Variants in PHF19 observed in about 807,000 individuals in gnomAD.
PHF19 encodes the protein polycomb like 3.
A neutral mutation model predicts 79.8 loss-of-function variants in PHF19; 21 were observed. That is an observed-to-expected ratio of 0.26 (90% CI 0.19 to 0.38). The LOEUF is 0.38. PHF19 is among the 10% of genes least tolerant of loss of function. PHF19 has a pLI of 1.00. For missense variants in PHF19, 445 were observed against 744.2 expected (o/e 0.60, Z 4.68); for synonymous variants, 273 against 296.3 (o/e 0.92, Z 0.81).
At chr9:120,892,572 G>C (rs537974169) in intron 1 of PHF19, among the ~76,000 whole-genome samples, 1 of 152,294 alleles carries the variant, frequency 6.6e-6, no homozygotes, top group East Asian at 1.9e-4. Flanking sequence ...TCAAGTTTTA[G>C]CTGCTAGAAA....
chr9:120,886,672 A>T (rs142644692), intron 1 of PHF19, among the ~76,000 whole-genome samples: 1 of 152,352 alleles, frequency 6.6e-6, no homozygotes, highest in East Asian at 1.9e-4. Flanking sequence ...TGGTTCATCC[A>T]GCCTGTAGTC....
intron 1 of PHF19, among the ~76,000 whole-genome samples, chr9:120,887,502 A>C (rs767349036): frequency 3.9e-5 from 6 of 152,194 alleles, no homozygotes; most frequent in Non-Finnish European, 5.9e-5. Flanking sequence ...ATTCTGTCTG[A>C]AGACTCAAGC....
intron 6 of PHF19, 83 bp from the exon 7 acceptor site, chr9:120,867,048 T>G: frequency 2.5e-6 from 2 of 801,802 alleles, no homozygotes; most frequent in South Asian, 1.4e-5. Context: ...CAAGTTAAAT[T>G]TGCCCTCCAC....
Position 120,874,878 on chromosome 9 carries a change from A to G in PHF19, c.-15-122T>C. 5 of 623,004 alleles carry G rather than the reference A, an allele frequency of 8.0e-6. No homozygotes were observed. In the South Asian group the frequency reaches 9.5e-5, roughly 12 times the overall value. 38.6% of individuals were successfully genotyped at this position (623,004 alleles called of 1,614,324 possible). A position where few individuals can be genotyped will look rare whatever the true frequency, so the allele number is the denominator to read the frequency against. Reference sequence around the variant, plus strand: ...ATAAGCCAGACTTGGTTATTATCTCACTGATTCCTCGTGACCATCCTATGA... The same window carrying G: ...ATAAGCCAGACTTGGTTATTATCTCGCTGATTCCTCGTGACCATCCTATGA... On this transcript the variant is annotated intron_variant, in intron 1 of 14. Coordinates refer to ENST00000373896, the MANE Select transcript of PHF19 (RefSeq NM_015651.3). The surrounding 1 kb of genome is among the most constrained non-coding windows in gnomAD (Gnocchi z 4.5).
chr9:120,899,546 C>A (rs967340374), upstream of PHF19, among the ~76,000 whole-genome samples: 2 of 152,040 alleles, frequency 1.3e-5, no homozygotes, highest in Admixed American at 1.3e-4. Flanking sequence ...CACTGGCACC[C>A]CCACAGTGGA....
chr9:120,867,480 T>C (rs138094854), intron 6 of PHF19, among the ~76,000 whole-genome samples: 2 of 152,356 alleles, frequency 1.3e-5, no homozygotes, highest in Non-Finnish European at 2.9e-5. Context: ...ATTCATGGAA[T>C]ATGAAGAGCA....
At chr9:120,882,051 C>G (rs1263077528), upstream of PHF19, among the ~76,000 whole-genome samples, 2 of 152,248 alleles carry the variant, frequency 1.3e-5, no homozygotes, top group Admixed American at 6.5e-5. Context: ...CGTGCCACTG[C>G]ACCTGGCCCA....
upstream of PHF19, among the ~76,000 whole-genome samples, chr9:120,878,711 A>G (rs1182870364): frequency 6.6e-6 from 1 of 152,048 alleles, no homozygotes; most frequent in African/African-American, 2.4e-5. Context: ...CCCATTCTGG[A>G]TCCTGGCGCC....
rs762215038 is a variant in PHF19 at position 120,858,127 on chromosome 9, G to A, written c.1560C>T (p.His520=). 1 of 1,614,070 alleles carries A rather than the reference G, an allele frequency of 6.2e-7. No individual in the cohort carries two copies. Among genetic ancestry groups the A allele is most frequent in the Admixed American group, 1.7e-5 (1 of 60,014 alleles). Residue 520 remains histidine, a synonymous_variant, in exon 15 of 15, where the codon CAC becomes CAT. Coordinates refer to ENST00000373896, the MANE Select transcript of PHF19 (RefSeq NM_015651.3). ...CATCTTCACTGATGCTCTCAAATGT[G>A]TGGCTGTCAATGCCTTCGTCTGGCC... ...PERPDEGIDS[H]TFESISEDDS... is the part of the protein sequence containing the mutation.
chr9:120,860,076 T>G lies in PHF19; in HGVS notation c.1400+14A>C. On this transcript the variant is annotated intron_variant, in intron 14 of 14. Coordinates refer to ENST00000373896, the MANE Select transcript of PHF19 (RefSeq NM_015651.3). The surrounding 1 kb of genome is among the most constrained non-coding windows in gnomAD (Gnocchi z 4.1). Reference sequence around the variant, plus strand: ...CCTTGCAAAATGTGAAGGCCAGACCTCTAGGAAGCTCACCTGGAGTCATAG... The same window carrying G: ...CCTTGCAAAATGTGAAGGCCAGACCGCTAGGAAGCTCACCTGGAGTCATAG... 1 of 1,457,274 alleles carries G rather than the reference T, an allele frequency of 6.9e-7. No homozygotes were observed. Among genetic ancestry groups the G allele is most frequent in the Non-Finnish European group, 9.5e-7 (1 of 1,051,066 alleles). The allele number at this position is 1,457,274 out of a possible 1,614,324, so 90.3% of individuals were successfully genotyped here. A position where few individuals can be genotyped will look rare whatever the true frequency, so the allele number is the denominator to read the frequency against.
intron 1 of PHF19, among the ~76,000 whole-genome samples, chr9:120,885,222 T>A (rs1466771873): frequency 1.3e-5 from 2 of 152,098 alleles, no homozygotes; most frequent in African/African-American, 4.8e-5. Flanking sequence ...TGTGTCTTAA[T>A]GGAGGGAACC....
intron 1 of PHF19, among the ~76,000 whole-genome samples, chr9:120,886,935 T>C (rs2046271486): frequency 6.6e-6 from 1 of 151,180 alleles, no homozygotes. Flanking sequence ...CCGGGTGTGA[T>C]TGCACACACC....
exon 1 of PHF19, chr9:120,894,866 T>A (rs746518288): frequency 1.6e-5 from 18 of 1,145,834 alleles, no homozygotes; most frequent in Non-Finnish European, 1.9e-5. Flanking sequence ...GAGGCTTTGA[T>A]GAATGAATGC....
chr9:120,900,423 A>G, the PHF19 span, among the ~76,000 whole-genome samples: 1 of 152,266 alleles, frequency 6.6e-6, no homozygotes, highest in Admixed American at 6.5e-5. Flanking sequence ...TTTAAAAGTC[A>G]ATCTACATGT....
At chr9:120,878,647 C>T (rs565357746), upstream of PHF19, among the ~76,000 whole-genome samples, 3 of 152,320 alleles carry the variant, frequency 2.0e-5, no homozygotes. Flanking sequence ...CCTTTCACCT[C>T]CTTCCTCACT....
Position 120,869,238 on chromosome 9 carries a change from G to C in PHF19, c.558C>G (p.Asp186Glu). 1 of 1,612,444 alleles carries C rather than the reference G, an allele frequency of 6.2e-7. No homozygotes were observed. Among genetic ancestry groups the C allele is most frequent in the Middle Eastern group, 1.7e-4 (1 of 6,056 alleles). Residue 186 changes from aspartate to glutamate, a missense_variant, in exon 6 of 15, where the codon GAC (aspartate) becomes GAG (glutamate). Physicochemically the swap from Asp to Glu is conservative, Grantham distance 45. Transcript: ENST00000373896. This position sits in a 1 kb window ranked among gnomAD's most constrained non-coding sequence, Gnocchi z 5.8. ...GCTGCTGGTTGGTGCGATGGGGCGAGTCCCACTCGAGCTCCTCGGGCTGGT... is the reference window on the plus strand; with the variant it reads ...GCTGCTGGTTGGTGCGATGGGGCGACTCCCACTCGAGCTCCTCGGGCTGGT... ...LSYQPEELEW[D>E]SPHRTNQQQC...
chr9:120,898,344 T>G (rs1223958980), upstream of PHF19, among the ~76,000 whole-genome samples: 1 of 152,266 alleles, frequency 6.6e-6, no homozygotes, highest in Non-Finnish European at 1.5e-5. Flanking sequence ...CTCGAACTCC[T>G]GACCTCAGGC....
chr9:120,893,750 G>A (rs1239660518), intron 1 of PHF19, among the ~76,000 whole-genome samples: 5 of 152,236 alleles, frequency 3.3e-5, no homozygotes, highest in African/African-American at 7.2e-5. Context: ...CAGGCAGACA[G>A]TCAGGAAAGC....
intron 1 of PHF19, among the ~76,000 whole-genome samples, chr9:120,890,504 G>C (rs1036490929): frequency 6.6e-6 from 1 of 152,066 alleles, no homozygotes; most frequent in Non-Finnish European, 1.5e-5. Flanking sequence ...CTGAATTTCA[G>C]TAATTAGCTC....
Sources: gnomAD v4.1 joint callset for allele counts (sites outside exome capture counted in the v4.1 genomes callset) on GRCh38, gnomAD v4.1.1 for gene constraint, Gnocchi (gnomAD v3.1) non-coding constraint, MANE v1.5 for transcripts, NCBI Gene and HGNC (gene_info 2026-07-23, HGNC 2026-07-21) for gene names.